The following KDM3B variants were observed in gnomAD, a reference collection of about 807,000 sequenced individuals.
The protein encoded by KDM3B is lysine-specific demethylase 3B.
Under a neutral mutation model 170.0 loss-of-function variants are expected in KDM3B, and 10 were observed. The observed-to-expected ratio is 0.06, with a 90% CI of 0.04 to 0.10. The LOEUF is 0.10. Ranked by LOEUF, KDM3B falls within the 10% of genes least tolerant of loss-of-function variation. KDM3B has a pLI of 1.00. For synonymous variants in KDM3B, 831 were observed against 834.8 expected, an observed-to-expected ratio of 1.00 and a Z score of 0.08; for missense variants, 1,394 against 2,195.2, an observed-to-expected ratio of 0.64 and a Z score of 7.29.
At chr5:138,388,180 T>G (rs967496108) in intron 7 of KDM3B, among the ~76,000 whole-genome samples, 2 of 152,068 alleles carry the variant, frequency 1.3e-5, no homozygotes, top group African/African-American at 4.8e-5. Flanking sequence ...ATAAAAGAGA[T>G]CCATTGAATG....
At chr5:138,385,623 A>C (rs192468137) in intron 6 of KDM3B, among the ~76,000 whole-genome samples, 27 of 152,356 alleles carry the variant, frequency 1.8e-4, no homozygotes, top group Middle Eastern at 3.4e-3. Context: ...TTAAAATGCA[A>C]GTTTCTTTCA....
At chr5:138,355,390 C>A (rs1249214573) in intron 1 of KDM3B, among the ~76,000 whole-genome samples, 1 of 152,122 alleles carries the variant, frequency 6.6e-6, no homozygotes, top group Non-Finnish European at 1.5e-5. Context: ...TTAAATGAAA[C>A]CTTTTTTGGA....
chr5:138,357,869 A>G (rs1201772665), intron 1 of KDM3B, among the ~76,000 whole-genome samples: 5 of 151,280 alleles, frequency 3.3e-5, no homozygotes, highest in Non-Finnish European at 5.9e-5. Flanking sequence ...ACAGGCATGC[A>G]TGAGATTAGG....
chr5:138,382,325 G>T (rs1018708978), intron 6 of KDM3B, among the ~76,000 whole-genome samples: 1 of 152,098 alleles, frequency 6.6e-6, no homozygotes, highest in African/African-American at 2.4e-5. Context: ...GATGGTGGGT[G>T]CCTGTAATCC....
At chr5:138,393,517 C>T in intron 9 of KDM3B, 145 bp downstream of exon 9, 1 of 664,994 alleles carries the variant, frequency 1.5e-6, no homozygotes. Context: ...TGAAGAGGCT[C>T]TGGCATAGTA....
intron 11 of KDM3B, among the ~76,000 whole-genome samples, chr5:138,404,110 A>C (rs1762758645): frequency 6.6e-6 from 1 of 152,216 alleles, no homozygotes; most frequent in Non-Finnish European, 1.5e-5. Flanking sequence ...TATTAATTGA[A>C]AAATGCCTTG....
At chr5:138,373,300 A>G (rs974799704) in intron 2 of KDM3B, among the ~76,000 whole-genome samples, 2 of 152,028 alleles carry the variant, frequency 1.3e-5, no homozygotes, top group African/African-American at 4.8e-5. Flanking sequence ...TGATTGTGCC[A>G]CTGCATCCAG....
At chr5:138,372,575 C>T in intron 1 of KDM3B, 99 bp from the exon 2 acceptor site, 2 of 977,706 alleles carry the variant, frequency 2.0e-6, no homozygotes, top group South Asian at 1.7e-5. Context: ...AGAATTATTC[C>T]TAGTCAGTTG....
chr5:138,397,320 G>A (rs1400952071), intron 9 of KDM3B, among the ~76,000 whole-genome samples: 1 of 151,940 alleles, frequency 6.6e-6, no homozygotes, highest in African/African-American at 2.4e-5. Flanking sequence ...GGGTGGCAGA[G>A]CGAGACTCTG....
Position 138,403,809 on chromosome 5 carries a change from A to AT in KDM3B, c.3199+3798dup. Reference sequence around the variant, plus strand: ...GGAGTTCAATTCCAGCCTAGGCAATATAGCAAGACCCCATCTCAACCAAAA... The same window carrying AT: ...GGAGTTCAATTCCAGCCTAGGCAATATTAGCAAGACCCCATCTCAACCAAAA... On this transcript the variant is annotated intron_variant, in intron 11 of 23. Coordinates refer to ENST00000314358, the MANE Select transcript of KDM3B (RefSeq NM_016604.4). Among the ~76,000 whole-genome samples the AT allele has an allele frequency of 2.7e-5, 4 of 150,732 alleles. No individual in the cohort carries two copies. In the South Asian group the frequency reaches 8.4e-4, roughly 32 times the overall value.
At chr5:138,413,152 G>A (rs1763016301) in intron 11 of KDM3B, among the ~76,000 whole-genome samples, 1 of 152,132 alleles carries the variant, frequency 6.6e-6, no homozygotes, top group Non-Finnish European at 1.5e-5. Context: ...TTGGGAGGCC[G>A]ACGCGGGTGG....
chr5:138,432,813 C>T (rs1042510865), intron 23 of KDM3B, among the ~76,000 whole-genome samples: 6 of 151,808 alleles, frequency 4.0e-5, no homozygotes, highest in Non-Finnish European at 5.9e-5. Flanking sequence ...GGCGTGATCT[C>T]GGCTCACTGC....
intron 1 of KDM3B, among the ~76,000 whole-genome samples, chr5:138,356,636 C>CTTTTT (rs539401228): frequency 8.8e-4 from 76 of 86,024 alleles, no homozygotes; most frequent in Non-Finnish European, 1.2e-3. Flanking sequence ...TGTCTCTTGA[C>CTTTTT]TTTTTTTTTT....
rs1762440580 is a variant in KDM3B, at chr5:138,391,834, G to C, written c.2202G>C (p.Gln734His). The C allele has an allele frequency of 1.9e-6, 3 of 1,614,112 alleles. No individual in the cohort carries two copies. Among genetic ancestry groups the C allele is most frequent in the Non-Finnish European group, 2.5e-6 (3 of 1,180,030 alleles). The change falls in exon 8 of 24, where the codon CAG becomes CAC. Residue 734 changes from glutamine to histidine, a missense_variant. Physicochemically the swap from Gln to His is conservative, Grantham distance 24. Coordinates refer to ENST00000314358, the MANE Select transcript of KDM3B (RefSeq NM_016604.4). The surrounding 1 kb of genome is among the most constrained non-coding windows in gnomAD (Gnocchi z 5.0). The stretch of plus-strand genomic sequence containing the variant: ...GCTCGCCCACCAGCAGCCTCACTCA[G>C]CCCATTGAGATGCCAACTCTCTCCT... ...RSSSPTSSLTQPIEMPTLSSS... is the reference protein window; with the variant it reads ...RSSSPTSSLTHPIEMPTLSSS...
At chr5:138,368,132 T>C (rs1434062328) in intron 1 of KDM3B, among the ~76,000 whole-genome samples, 1 of 152,218 alleles carries the variant, frequency 6.6e-6, no homozygotes, top group Non-Finnish European at 1.5e-5. Flanking sequence ...TTTTGCTAGT[T>C]TATATCCCTT....
intron 1 of KDM3B, among the ~76,000 whole-genome samples, chr5:138,357,759 G>A (rs1164552199): frequency 6.6e-6 from 1 of 151,584 alleles, no homozygotes; most frequent in Non-Finnish European, 1.5e-5. Context: ...TCTCACTCTT[G>A]CCCAGGCTGG....
At chr5:138,431,730 T>G (rs1170299970) in intron 23 of KDM3B, among the ~76,000 whole-genome samples, 171 bp downstream of exon 23, 1 of 151,610 alleles carries the variant, frequency 6.6e-6, no homozygotes, top group Non-Finnish European at 1.5e-5. Flanking sequence ...AAGCATTTAA[T>G]TTTTTTTTAA....
chr5:138,389,258 G>A (rs532885931), intron 7 of KDM3B, among the ~76,000 whole-genome samples: 7 of 152,314 alleles, frequency 4.6e-5, no homozygotes, highest in South Asian at 4.1e-4. Flanking sequence ...AAAATACCCT[G>A]AAGTAGTCTC....
intron 1 of KDM3B, among the ~76,000 whole-genome samples, chr5:138,354,118 A>G (rs575241322): frequency 4.6e-5 from 7 of 152,282 alleles, no homozygotes; most frequent in East Asian, 1.9e-4. Context: ...TTTTCTTCCT[A>G]TTGATCAACG....
Sources: allele counts gnomAD v4.1 joint callset (sites outside exome capture counted in the v4.1 genomes callset), GRCh38; gene constraint gnomAD v4.1.1; non-coding constraint Gnocchi (gnomAD v3.1); transcripts MANE v1.5; gene names NCBI Gene and HGNC (gene_info 2026-07-23, HGNC 2026-07-21).